Variants in ABHD6 observed in about 807,000 individuals in gnomAD.
ABHD6 encodes the protein monoacylglycerol lipase ABHD6.
In ABHD6, 33 loss-of-function variants were observed where a neutral mutation model predicts 38.8. The observed-to-expected ratio is 0.85, with a 90% CI of 0.64 to 1.14. ABHD6 has a LOEUF of 1.14. ABHD6 is among the 50% of genes most tolerant of loss of function. The pLI is 0.00. For synonymous variants in ABHD6, 147 were observed against 161.6 expected (o/e 0.91, Z 0.69); for missense variants, 380 against 422.6 (o/e 0.90, Z 0.88).
intron 7 of ABHD6, among the ~76,000 whole-genome samples, chr3:58,275,705 A>G (rs2097448241): frequency 6.6e-6 from 1 of 152,134 alleles, no homozygotes; most frequent in Non-Finnish European, 1.5e-5. Flanking sequence ...CAGGTTTCAT[A>G]CATAAGTATG....
chr3:58,286,848 G>GCATATATATATA (rs746605515), intron 9 of ABHD6, among the ~76,000 whole-genome samples: 829 of 69,992 alleles, frequency 0.012, 85 homozygotes, highest in African/African-American at 0.035. Context: ...GTGTGTGTGT[G>GCATATATATATA]TGTGTATATA....
intron 1 of ABHD6, among the ~76,000 whole-genome samples, chr3:58,243,083 G>C (rs1006336245): frequency 2.0e-5 from 3 of 152,122 alleles, no homozygotes; most frequent in African/African-American, 7.2e-5. Context: ...AGTATTCCAT[G>C]GTGTATATGT....
At chr3:58,250,514 G>A (rs1326576158) in intron 2 of ABHD6, among the ~76,000 whole-genome samples, 1 of 152,106 alleles carries the variant, frequency 6.6e-6, no homozygotes, top group African/African-American at 2.4e-5. Flanking sequence ...TTCTCTGGCA[G>A]CTGGGGTGGT....
At position 58,257,272 on chromosome 3, in the gene ABHD6, C is replaced by T. The variant is rs1292928568; in HGVS notation, c.119+567C>T. Among the ~76,000 whole-genome samples, 1 of 152,090 alleles carries T rather than the reference C, an allele frequency of 6.6e-6. No homozygotes were observed. Among genetic ancestry groups the T allele is most frequent in the Non-Finnish European group, 1.5e-5 (1 of 68,016 alleles). On this transcript the variant is annotated intron_variant, in intron 3 of 9. Transcript: ENST00000478253. This position sits in a 1 kb window ranked among gnomAD's most constrained non-coding sequence, Gnocchi z 4.8. ...CAAAGTCAGTGATTCTGTCTTCAAG[C>T]AAGAATTGTACATTTTTATGGGAAC...
At chr3:58,291,113 C>G (rs2097462378) in intron 9 of ABHD6, among the ~76,000 whole-genome samples, 2 of 151,068 alleles carry the variant, frequency 1.3e-5, no homozygotes, top group Admixed American at 1.3e-4. Flanking sequence ...GAACCAGACA[C>G]CGTCTGCAAT....
chr3:58,261,620 T>C (rs920575305), intron 3 of ABHD6, among the ~76,000 whole-genome samples: 21 of 152,196 alleles, frequency 1.4e-4, no homozygotes, highest in African/African-American at 5.1e-4. Flanking sequence ...AGCTCTGGGA[T>C]TACAGTTGTG....
At chr3:58,254,841 T>C (rs2097432185) in intron 2 of ABHD6, among the ~76,000 whole-genome samples, 1 of 124,020 alleles carries the variant, frequency 8.1e-6, no homozygotes, top group East Asian at 2.6e-4. Context: ...TATATACATA[T>C]ATATGTGTAT....
chr3:58,264,409 A>T, intron 3 of ABHD6, among the ~76,000 whole-genome samples: 1 of 131,166 alleles, frequency 7.6e-6, no homozygotes, highest in East Asian at 2.1e-4. Context: ...ACACACACAC[A>T]CACACACACA....
Position 58,266,767 on chromosome 3 carries a change from T to G in ABHD6, c.120-422T>G, listed in dbSNP as rs74929952. Among the ~76,000 whole-genome samples the G allele has an allele frequency of 0.026, 3,986 of 152,294 alleles. 93 individuals are homozygous for G. Among genetic ancestry groups the G allele is most frequent in the South Asian group, 0.07 (337 of 4,822 alleles). On this transcript the variant is annotated intron_variant, in intron 3 of 9. Transcript: ENST00000478253. The surrounding 1 kb of genome is among the most constrained non-coding windows in gnomAD (Gnocchi z 4.0). ...CAAAGTCCAGCACTGCCAAGTCTTATGTAACCAGCAGAAGCTGAGCTTTCA... is the reference window on the plus strand; with the variant it reads ...CAAAGTCCAGCACTGCCAAGTCTTAGGTAACCAGCAGAAGCTGAGCTTTCA...
intron 7 of ABHD6, among the ~76,000 whole-genome samples, chr3:58,280,400 A>C (rs2097452229): frequency 6.6e-6 from 1 of 152,054 alleles, no homozygotes; most frequent in African/African-American, 2.4e-5. Context: ...AAGCTTGTGC[A>C]TGCATCATGA....
chr3:58,256,653 T>C lies in ABHD6; in HGVS notation c.67T>C (p.Phe23Leu). Residue 23 changes from phenylalanine (F) to leucine (L), a missense_variant, in exon 3 of 10, where the codon TTT becomes CTT. Physicochemically the swap from Phe to Leu is conservative, Grantham distance 22. Coordinates refer to ENST00000478253, the MANE Select transcript of ABHD6 (RefSeq NM_001320126.2). The surrounding 1 kb of genome is among the most constrained non-coding windows in gnomAD (Gnocchi z 4.3). ...GGTLAIPILAFVASFLLWPSA... is the reference protein window; with the variant it reads ...GGTLAIPILALVASFLLWPSA... ...CACGCTGGCCATCCCAATCCTGGCA[T>C]TTGTGGCTTCATTTCTTCTGTGGCC... 1 of 1,613,810 alleles carries C rather than the reference T, an allele frequency of 6.2e-7. No individual in the cohort carries two copies.
At chr3:58,250,163 A>G (rs545958612) in intron 2 of ABHD6, among the ~76,000 whole-genome samples, 1 of 152,160 alleles carries the variant, frequency 6.6e-6, no homozygotes, top group Admixed American at 6.5e-5. Context: ...CTGAAAGACT[A>G]TGTGGGGGAA....
At chr3:58,270,874 C>A in intron 5 of ABHD6, 58 bp from the exon 6 acceptor site, 2 of 1,529,656 alleles carry the variant, frequency 1.3e-6, no homozygotes, top group Non-Finnish European at 1.8e-6. Context: ...ATGCTGTAGT[C>A]ACCATTGCCA....
chr3:58,288,128 A>G (rs2097458790), intron 9 of ABHD6, among the ~76,000 whole-genome samples: 1 of 152,128 alleles, frequency 6.6e-6, no homozygotes, highest in Non-Finnish European at 1.5e-5. Flanking sequence ...TGTCCCTGGG[A>G]CAGAGGCCAA....
Position 58,256,551 on chromosome 3 carries a change from G to A in ABHD6, c.-25-11G>A, listed in dbSNP as rs375382735. 6 of 1,457,194 alleles carry A rather than the reference G, an allele frequency of 4.1e-6. No individual in the cohort carries two copies. The highest frequency in any genetic ancestry group is 4.8e-6 in the Non-Finnish European group (5 of 1,043,890). The allele number at this position is 1,457,194 out of a possible 1,614,324, so 90.3% of individuals were successfully genotyped here. Reference sequence around the variant, plus strand: ...GAGTTTTAATATCGTCATTCTCTTTGGCCCCTGCAGGAGTCAGCCAGCCTG... The same window carrying A: ...GAGTTTTAATATCGTCATTCTCTTTAGCCCCTGCAGGAGTCAGCCAGCCTG... On this transcript the variant is annotated splice_polypyrimidine_tract_variant and intron_variant, in intron 2 of 9. Coordinates refer to ENST00000478253, the MANE Select transcript of ABHD6 (RefSeq NM_001320126.2). The surrounding 1 kb of genome is among the most constrained non-coding windows in gnomAD (Gnocchi z 4.3).
chr3:58,242,146 G>A (rs1176230792), intron 1 of ABHD6, among the ~76,000 whole-genome samples: 2 of 152,160 alleles, frequency 1.3e-5, no homozygotes, highest in Admixed American at 1.3e-4. Context: ...CCGGAGGTGT[G>A]GGAGAGCACG....
At chr3:58,242,951 T>C (rs1389869558) in intron 1 of ABHD6, among the ~76,000 whole-genome samples, 2 of 152,082 alleles carry the variant, frequency 1.3e-5, no homozygotes, top group African/African-American at 2.4e-5. Flanking sequence ...AATTCCCACC[T>C]ATGAGTGAGA....
At position 58,259,251 on chromosome 3, in the gene ABHD6, G is replaced by T. The variant is rs1167023843; in HGVS notation, c.119+2546G>T. ...CCCAACAGTTCCCTGGGCTGTCGAGGAGAAGGCTTTCAGAGTAAGGGTGTT... is the reference window on the plus strand; with the variant it reads ...CCCAACAGTTCCCTGGGCTGTCGAGTAGAAGGCTTTCAGAGTAAGGGTGTT... On this transcript the variant is annotated intron_variant, in intron 3 of 9. Coordinates refer to ENST00000478253, the MANE Select transcript of ABHD6 (RefSeq NM_001320126.2). The surrounding 1 kb of genome is among the most constrained non-coding windows in gnomAD (Gnocchi z 4.7). Among the ~76,000 whole-genome samples the T allele has an allele frequency of 6.6e-6, 1 of 152,194 alleles. No homozygotes were observed. The highest frequency in any genetic ancestry group is 2.4e-5 in the African/African-American group (1 of 41,430).
At chr3:58,286,856 A>ATATATATG (rs1428090732) in intron 9 of ABHD6, among the ~76,000 whole-genome samples, 13 of 121,474 alleles carry the variant, frequency 1.1e-4, no homozygotes, top group East Asian at 2.8e-4. Context: ...GTGTGTGTAT[A>ATATATATG]TATATATATA....
Sources: allele counts gnomAD v4.1 joint callset (sites outside exome capture counted in the v4.1 genomes callset), GRCh38; gene constraint gnomAD v4.1.1; non-coding constraint Gnocchi (gnomAD v3.1); transcripts MANE v1.5; gene names NCBI Gene and HGNC (gene_info 2026-07-23, HGNC 2026-07-21).